MARCHF1: variants seen among roughly 807,000 people sequenced by gnomAD.
The protein encoded by MARCHF1 is E3 ubiquitin-protein ligase MARCHF1.
MARCHF1 carries 40 observed loss-of-function variants against 54.2 expected under a neutral mutation model. The observed-to-expected ratio is 0.74, with a 90% CI of 0.57 to 0.96. MARCHF1 has a LOEUF of 0.96. Among genes scored for constraint, MARCHF1 ranks in the 40% least tolerant of loss-of-function variants. MARCHF1 has a pLI of 0.00. For missense variants in MARCHF1, 586 were observed against 656.5 expected, an observed-to-expected ratio of 0.89 and a Z score of 1.17; for synonymous variants, 236 against 236.3, an observed-to-expected ratio of 1.00 and a Z score of 0.01.
intron 5 of MARCHF1, among the ~76,000 whole-genome samples, chr4:163,623,045 T>G (rs1741742316): frequency 6.6e-6 from 1 of 152,164 alleles, no homozygotes; most frequent in Non-Finnish European, 1.5e-5. Flanking sequence ...ATGACTGTCA[T>G]CAGGGAGGGC....
At chr4:163,907,570 T>TA (rs1751096620) in intron 3 of MARCHF1, among the ~76,000 whole-genome samples, 1 of 152,124 alleles carries the variant, frequency 6.6e-6, no homozygotes, top group Admixed American at 6.6e-5. Context: ...CTAGGGTTTT[T>TA]ACTTCAAAAC....
chr4:163,797,042 T>C (rs1259571588), intron 4 of MARCHF1, among the ~76,000 whole-genome samples: 1 of 152,130 alleles, frequency 6.6e-6, no homozygotes, highest in African/African-American at 2.4e-5. Flanking sequence ...AGACATATCT[T>C]ATAATTTGTT....
intron 2 of MARCHF1, among the ~76,000 whole-genome samples, chr4:163,993,306 T>C (rs1023110217): frequency 1.3e-5 from 2 of 152,174 alleles, no homozygotes; most frequent in Non-Finnish European, 2.9e-5. Context: ...TTTGTCTGAT[T>C]ATTGGAATCC....
intron 3 of MARCHF1, among the ~76,000 whole-genome samples, chr4:163,950,572 C>T (rs1181779539): frequency 6.6e-6 from 1 of 152,162 alleles, no homozygotes; most frequent in Non-Finnish European, 1.5e-5. Context: ...GCTCCTGCCC[C>T]TCCCACTTGG....
At chr4:163,631,608 C>G (rs901811331) in intron 5 of MARCHF1, among the ~76,000 whole-genome samples, 1 of 151,794 alleles carries the variant, frequency 6.6e-6, no homozygotes, top group African/African-American at 2.4e-5. Flanking sequence ...TGCATTTTGC[C>G]TAAGAATAAG....
At chr4:164,205,572 AT>A (rs1277456536) in intron 1 of MARCHF1, among the ~76,000 whole-genome samples, 1 of 152,156 alleles carries the variant, frequency 6.6e-6, no homozygotes. Flanking sequence ...AATAACCAAA[AT>A]TGTTCTAAAT....
intron 4 of MARCHF1, among the ~76,000 whole-genome samples, chr4:163,792,511 T>G (rs1239905768): frequency 6.6e-6 from 1 of 152,068 alleles, no homozygotes; most frequent in East Asian, 1.9e-4. Context: ...TCTGTAAATT[T>G]GAATTATATA....
intron 5 of MARCHF1, among the ~76,000 whole-genome samples, chr4:163,663,402 C>T (rs1579171895): frequency 6.6e-6 from 1 of 152,120 alleles, no homozygotes; most frequent in South Asian, 2.1e-4. Context: ...ATGTTTCTCT[C>T]TTCCTTTCTC....
intron 5 of MARCHF1, among the ~76,000 whole-genome samples, chr4:163,656,474 G>T (rs573828262): frequency 1.3e-5 from 2 of 151,118 alleles, no homozygotes; most frequent in East Asian, 4.0e-4. Flanking sequence ...TCTACCAGAG[G>T]TACAAACAGG....
chr4:163,976,369 G>A (rs565610401), intron 3 of MARCHF1, among the ~76,000 whole-genome samples: 1 of 152,112 alleles, frequency 6.6e-6, no homozygotes, highest in African/African-American at 2.4e-5. Context: ...GACAAAATGA[G>A]GTGATACTTT....
intron 4 of MARCHF1, among the ~76,000 whole-genome samples, chr4:163,720,468 TC>T (rs1393569676): frequency 6.6e-6 from 1 of 152,222 alleles, no homozygotes; most frequent in Non-Finnish European, 1.5e-5. Context: ...GTGTGATGCC[TC>T]CGGCTTTGTT....
At chr4:163,666,310 T>C (rs1050297210) in intron 5 of MARCHF1, among the ~76,000 whole-genome samples, 13 of 152,156 alleles carry the variant, frequency 8.5e-5, no homozygotes, top group African/African-American at 3.1e-4. Context: ...AGCTTCATCT[T>C]GTAGGTGATT....
intron 2 of MARCHF1, among the ~76,000 whole-genome samples, chr4:164,075,063 A>G (rs1001830636): frequency 2.0e-5 from 3 of 152,164 alleles, no homozygotes; most frequent in Non-Finnish European, 2.9e-5. Flanking sequence ...CAGTAATTAT[A>G]TAACTTTCTT....
intron 1 of MARCHF1, among the ~76,000 whole-genome samples, chr4:164,254,848 C>A (rs149077701): frequency 1.1e-3 from 175 of 152,312 alleles, no homozygotes; most frequent in African/African-American, 3.7e-3. Context: ...TTGCCTTCCC[C>A]AGCCCACTGA....
At position 164,337,511 on chromosome 4, in the gene MARCHF1, G is replaced by A. The variant is rs1257233722; in HGVS notation, c.-323+46359C>T. 2.0e-5 allele frequency among the ~76,000 whole-genome samples: 3 copies of A among 152,186 alleles called. No individual in the cohort carries two copies. The East Asian group carries it at 5.8e-4, about 29-fold the overall frequency. On this transcript the variant is annotated intron_variant, in intron 1 of 9. Transcript: ENST00000514618. ...TCTTTCTCACCCAAAATACTAAGAT[G>A]ATCAGCATGGATGAGTAAATGGCTA...
intron 4 of MARCHF1, among the ~76,000 whole-genome samples, chr4:163,750,236 G>T (rs1285844675): frequency 2.0e-5 from 3 of 152,070 alleles, no homozygotes; most frequent in Non-Finnish European, 2.9e-5. Context: ...ACAGGGCCAG[G>T]CGTGGTGGCT....
intron 4 of MARCHF1, among the ~76,000 whole-genome samples, chr4:163,827,109 A>G (rs1055626504): frequency 6.6e-6 from 1 of 152,108 alleles, no homozygotes; most frequent in African/African-American, 2.4e-5. Flanking sequence ...TAATGAAAAC[A>G]TCTTATTTTT....
At chr4:163,653,267 G>A (rs993641223) in intron 5 of MARCHF1, among the ~76,000 whole-genome samples, 1 of 151,716 alleles carries the variant, frequency 6.6e-6, no homozygotes, top group Non-Finnish European at 1.5e-5. Context: ...CAGCAGAGCA[G>A]GTGAGAGACA....
intron 1 of MARCHF1, among the ~76,000 whole-genome samples, chr4:164,293,558 C>T (rs186007704): frequency 2.6e-3 from 395 of 152,268 alleles, no homozygotes; most frequent in Admixed American, 4.4e-3. Context: ...TGTAATTTGT[C>T]TAAAGTTTTT....
Sources: allele counts gnomAD v4.1 joint callset (sites outside exome capture counted in the v4.1 genomes callset), GRCh38; gene constraint gnomAD v4.1.1; transcripts MANE v1.5; gene names NCBI Gene and HGNC (gene_info 2026-07-23, HGNC 2026-07-21).